Variants in ADGRV1 observed in about 807,000 individuals in gnomAD.
ADGRV1 encodes the protein adhesion G protein-coupled receptor V1.
A neutral mutation model predicts 596.2 loss-of-function variants in ADGRV1; 359 were observed. That is an observed-to-expected ratio of 0.60 (90% confidence interval 0.55 to 0.66). The LOEUF (loss-of-function observed/expected upper bound fraction) is 0.66. ADGRV1 is among the 30% of genes least tolerant of loss of function. ADGRV1 has a pLI of 0.00. For missense variants in ADGRV1, 7,274 were observed against 7,575.6 expected (o/e 0.96, Z 1.48); for synonymous variants, 2,681 against 2,679.2 (o/e 1.00, Z -0.02).
intron 83 of ADGRV1, 99 bp from the exon 84 acceptor site, chr5:90,965,316 T>A (rs1778353790): frequency 8.1e-6 from 6 of 744,136 alleles, no homozygotes; most frequent in Admixed American, 4.1e-5. Context: ...TCACATGGAA[T>A]CACTGAGTCA....
chr5:91,148,620 G>A (rs1795757373), intron 87 of ADGRV1, among the ~76,000 whole-genome samples: 1 of 152,166 alleles, frequency 6.6e-6, no homozygotes, highest in South Asian at 2.1e-4. Flanking sequence ...CCTCTGGTAG[G>A]GCAATGCAGA....
chr5:90,568,710 CT>C (rs1755979354), intron 1 of ADGRV1, among the ~76,000 whole-genome samples: 1 of 152,084 alleles, frequency 6.6e-6, no homozygotes, highest in South Asian at 2.1e-4. Context: ...ACATGGGGTA[CT>C]AAAGTCACTA....
chr5:90,564,517 G>A (rs1407183210), intron 1 of ADGRV1, among the ~76,000 whole-genome samples: 3 of 152,246 alleles, frequency 2.0e-5, no homozygotes, highest in East Asian at 3.9e-4. Flanking sequence ...GAAAGAGATA[G>A]CTGGAAGTGC....
In ADGRV1 at chr5:90,783,825, T is replaced by G. The variant is rs1424684483; in HGVS notation, c.13434-13T>G. On this transcript the variant is annotated splice_polypyrimidine_tract_variant and intron_variant, in intron 66 of 89. Coordinates refer to ENST00000405460, the MANE Select transcript of ADGRV1 (RefSeq NM_032119.4). ...TGTTTAGACTCACAGAATTGCTCCT[T>G]CTTGCCATGCAGTGAATTTGAGGAG... The G allele has an allele frequency of 8.2e-6, 13 of 1,584,358 alleles. No homozygotes were observed. Among genetic ancestry groups the G allele is most frequent in the Non-Finnish European group, 1.1e-5 (13 of 1,162,528 alleles).
chr5:90,581,063 A>G (rs908963790), intron 1 of ADGRV1, among the ~76,000 whole-genome samples: 2 of 152,094 alleles, frequency 1.3e-5, no homozygotes, highest in African/African-American at 4.8e-5. Context: ...AAGCTTGTGC[A>G]TGCGTCACGA....
chr5:90,697,471 G>A (rs531021931), intron 34 of ADGRV1, among the ~76,000 whole-genome samples: 1 of 147,660 alleles, frequency 6.8e-6, no homozygotes, highest in Admixed American at 6.6e-5. Context: ...GATTAAATGA[G>A]CTAATAAAGG....
intron 70 of ADGRV1, among the ~76,000 whole-genome samples, chr5:90,794,313 C>T (rs1561746652): frequency 6.6e-6 from 1 of 152,144 alleles, no homozygotes; most frequent in Non-Finnish European, 1.5e-5. Context: ...ACTGTTAGCA[C>T]CTGGTAAGTT....
intron 33 of ADGRV1, among the ~76,000 whole-genome samples, chr5:90,696,156 C>T (rs1747165967): frequency 6.6e-6 from 1 of 152,048 alleles, no homozygotes; most frequent in Admixed American, 6.6e-5. Flanking sequence ...TTTCCCACTC[C>T]TTCATTGTCT....
At chr5:90,764,237 G>A (rs1756834638) in intron 59 of ADGRV1, among the ~76,000 whole-genome samples, 1 of 152,134 alleles carries the variant, frequency 6.6e-6, no homozygotes, top group Non-Finnish European at 1.5e-5. Flanking sequence ...GCCCCTCTAG[G>A]AGCTGTTACC....
At chr5:90,696,415 G>T (rs79825272) in intron 33 of ADGRV1, among the ~76,000 whole-genome samples, 5,717 of 152,126 alleles carry the variant, frequency 0.038, 371 homozygotes, top group African/African-American at 0.13. Flanking sequence ...ATCTCATTTA[G>T]GCTGGTTCTT....
chr5:91,104,297 T>C (rs1791654718), intron 87 of ADGRV1, among the ~76,000 whole-genome samples: 1 of 152,220 alleles, frequency 6.6e-6, no homozygotes, highest in South Asian at 2.1e-4. Context: ...TAAACACTTT[T>C]CATTTTATTG....
At chr5:90,693,427 G>C (rs1250664257) in intron 32 of ADGRV1, among the ~76,000 whole-genome samples, 1 of 151,742 alleles carries the variant, frequency 6.6e-6, no homozygotes, top group Non-Finnish European at 1.5e-5. Flanking sequence ...ATACTGGACT[G>C]GTTTTTAAAG....
chr5:90,799,308 G>T (rs945648973), intron 70 of ADGRV1, among the ~76,000 whole-genome samples: 8 of 152,088 alleles, frequency 5.3e-5, no homozygotes, highest in Non-Finnish European at 1.5e-5. Flanking sequence ...GCCAGATCAC[G>T]AGTGAACTCC....
Position 90,633,603 on chromosome 5 carries a change from G to A in ADGRV1, c.1840-1511G>A, listed in dbSNP as rs1482346980. Among the ~76,000 whole-genome samples, 8 of 151,390 alleles carry A rather than the reference G, an allele frequency of 5.3e-5. No individual in the cohort carries two copies. The South Asian group carries it at 1.7e-3, about 32-fold the overall frequency. On this transcript the variant is annotated intron_variant, in intron 9 of 89. Transcript: ENST00000405460. The stretch of plus-strand genomic sequence containing the variant: ...ATTTTATTTAACTTTGTGCTATTTT[G>A]TAAGATAAATAAATATATATGTGTA...
chr5:90,979,939 A>C (rs1779951994), intron 84 of ADGRV1, among the ~76,000 whole-genome samples: 1 of 152,226 alleles, frequency 6.6e-6, no homozygotes, highest in South Asian at 2.1e-4. Context: ...TATATAACTT[A>C]TTATTCACCT....
intron 55 of ADGRV1, among the ~76,000 whole-genome samples, chr5:90,755,723 C>T (rs1263575257): frequency 6.6e-6 from 1 of 150,376 alleles, no homozygotes; most frequent in Non-Finnish European, 1.5e-5. Context: ...AGTAATGATG[C>T]ACAAGAAATT....
chr5:90,745,655 G>A lies in ADGRV1; in HGVS notation c.10834G>A (p.Asp3612Asn). 6.2e-7 allele frequency: 1 copy of A among 1,612,938 alleles called. No individual in the cohort carries two copies. Among genetic ancestry groups the A allele is most frequent in the South Asian group, 1.1e-5 (1 of 91,060 alleles). The change falls in exon 52 of 90, where the codon GAT becomes AAT. Residue 3612 changes from aspartate to asparagine, a missense_variant. Around this residue, in one of 5 missense-constraint regions of ADGRV1, gnomAD observed 3,643 missense variants for 3,809.2 expected, o/e 0.96. Transcript: ENST00000405460. ...EATIAVNILD[D>N]TVPEKEESFK... ...TACAATAGCAGTAAATATCCTTGAT[G>A]ATACAGTTCCAGAAAAAGAAGAATC...
chr5:90,798,342 A>G (rs995504293), intron 70 of ADGRV1, among the ~76,000 whole-genome samples: 6 of 151,924 alleles, frequency 3.9e-5, no homozygotes, highest in Non-Finnish European at 7.4e-5. Flanking sequence ...GGATAAATTC[A>G]TGGACACATA....
At chr5:91,067,234 T>TC (rs34601052) in intron 85 of ADGRV1, among the ~76,000 whole-genome samples, 89,215 of 150,340 alleles carry the variant, frequency 0.59, 27,055 homozygotes, top group South Asian at 0.68. Context: ...AACCTCTGCC[T>TC]CTGGGTTCGT....
Sources: gnomAD v4.1 joint callset for allele counts (sites outside exome capture counted in the v4.1 genomes callset) on GRCh38, gnomAD v4.1.1 for gene constraint, gnomAD v4.1.1 regional missense constraint, MANE v1.5 for transcripts, NCBI Gene and HGNC (gene_info 2026-07-23, HGNC 2026-07-21) for gene names.